The following AP3B1 variants were observed in gnomAD, a reference collection of about 807,000 sequenced individuals.
AP3B1 encodes the protein adaptor related protein complex 3 subunit beta 1.
AP3B1 carries 61 observed loss-of-function variants against 132.5 expected under a neutral mutation model. That is an observed-to-expected ratio of 0.46 (90% confidence interval 0.37 to 0.57). The LOEUF (loss-of-function observed/expected upper bound fraction) is 0.57, where lower values mean the gene tolerates loss of function less well. Among genes scored for constraint, AP3B1 ranks in the 20% least tolerant of loss-of-function variants. AP3B1 has a pLI of 0.00. For missense variants in AP3B1, 1,120 were observed against 1,289.4 expected, an observed-to-expected ratio of 0.87 and a Z score of 2.01; for synonymous variants, 388 against 438.3, an observed-to-expected ratio of 0.89 and a Z score of 1.43.
chr5:78,281,719 T>G (rs756077497), intron 1 of AP3B1, among the ~76,000 whole-genome samples: 26 of 152,100 alleles, frequency 1.7e-4, no homozygotes, highest in Non-Finnish European at 3.7e-4. Context: ...TGGGACTCTG[T>G]GTGTATGTAG....
intron 24 of AP3B1, among the ~76,000 whole-genome samples, chr5:78,022,693 G>T (rs1260836563): frequency 2.0e-5 from 3 of 152,116 alleles, no homozygotes; most frequent in Non-Finnish European, 2.9e-5. Flanking sequence ...GAAGGTAAAT[G>T]GTCCCATTTA....
chr5:78,172,331 G>C (rs1462939074), intron 11 of AP3B1, among the ~76,000 whole-genome samples: 14 of 152,194 alleles, frequency 9.2e-5, no homozygotes, highest in Admixed American at 9.2e-4. Flanking sequence ...GCTCCTCTTT[G>C]TACCTCTGGT....
intron 22 of AP3B1, among the ~76,000 whole-genome samples, chr5:78,073,847 G>T (rs1052427105): frequency 1.3e-5 from 2 of 152,140 alleles, no homozygotes; most frequent in African/African-American, 2.4e-5. Flanking sequence ...TACCACAAAG[G>T]AGGAGGAAGG....
intron 3 of AP3B1, among the ~76,000 whole-genome samples, chr5:78,232,545 A>T (rs1746690937): frequency 6.6e-6 from 1 of 152,164 alleles, no homozygotes; most frequent in African/African-American, 2.4e-5. Context: ...TAATATCAGC[A>T]ATCTCTATGC....
intron 7 of AP3B1, among the ~76,000 whole-genome samples, chr5:78,182,294 G>C (rs763020453): frequency 6.6e-6 from 1 of 152,228 alleles, no homozygotes; most frequent in Non-Finnish European, 1.5e-5. Flanking sequence ...AACAAACACA[G>C]TAATAGCCAC....
chr5:78,055,477 T>G (rs1167748560), intron 22 of AP3B1, among the ~76,000 whole-genome samples: 1 of 152,212 alleles, frequency 6.6e-6, no homozygotes, highest in African/African-American at 2.4e-5. Flanking sequence ...GAGGAGTCAG[T>G]GTGACACTGC....
chr5:78,164,697 A>G (rs1743535876), intron 12 of AP3B1, among the ~76,000 whole-genome samples: 1 of 152,146 alleles, frequency 6.6e-6, no homozygotes, highest in Admixed American at 6.5e-5. Flanking sequence ...ACACAACATA[A>G]AAGTGGAGTA....
chr5:78,038,097 T>TG (rs1747878844), intron 23 of AP3B1, among the ~76,000 whole-genome samples: 1 of 152,310 alleles, frequency 6.6e-6, no homozygotes, highest in Admixed American at 6.5e-5. Flanking sequence ...GAGCCAAAGC[T>TG]GGGGGCAGCC....
At chr5:78,058,596 G>A (rs910575424) in intron 22 of AP3B1, among the ~76,000 whole-genome samples, 3 of 152,238 alleles carry the variant, frequency 2.0e-5, no homozygotes, top group Admixed American at 1.3e-4. Context: ...GCATCAAAGA[G>A]ACAGTACTAG....
intron 26 of AP3B1, among the ~76,000 whole-genome samples, chr5:78,010,931 A>G (rs1746594355): frequency 6.6e-6 from 1 of 152,106 alleles, no homozygotes; most frequent in African/African-American, 2.4e-5. Flanking sequence ...TATTTAATAA[A>G]TGCTTTTTGA....
intron 22 of AP3B1, among the ~76,000 whole-genome samples, chr5:78,055,000 G>A (rs1748743544): frequency 7.1e-6 from 1 of 141,668 alleles, no homozygotes. Flanking sequence ...CCATAAGACA[G>A]ACAGACAGAC....
At chr5:78,259,203 G>A (rs573045223) in intron 2 of AP3B1, among the ~76,000 whole-genome samples, 19 of 151,136 alleles carry the variant, frequency 1.3e-4, no homozygotes, top group African/African-American at 2.9e-4. Flanking sequence ...AGCTGAGATC[G>A]TGCCACTGCA....
chr5:78,038,077 T>C (rs924604373), intron 23 of AP3B1, among the ~76,000 whole-genome samples: 2 of 152,144 alleles, frequency 1.3e-5, no homozygotes, highest in African/African-American at 2.4e-5. Flanking sequence ...AGAAGCAACC[T>C]GGAAAGTGCG....
intron 26 of AP3B1, among the ~76,000 whole-genome samples, chr5:78,007,019 T>C (rs1270709897): frequency 2.6e-5 from 4 of 152,162 alleles, no homozygotes; most frequent in African/African-American, 4.8e-5. Context: ...ACAGACCAAA[T>C]AGCAACAACA....
At chr5:78,096,865 C>T (rs1580341324) in intron 21 of AP3B1, among the ~76,000 whole-genome samples, 1 of 150,522 alleles carries the variant, frequency 6.6e-6, no homozygotes, top group Admixed American at 6.6e-5. Flanking sequence ...CCAGGCCAGC[C>T]GCCCCGTCCG....
intron 2 of AP3B1, among the ~76,000 whole-genome samples, chr5:78,265,439 T>C (rs531229766): frequency 1.8e-4 from 27 of 152,000 alleles, no homozygotes; most frequent in Admixed American, 1.3e-3. Flanking sequence ...CAAGACCCTG[T>C]CTCTAAAAAA....
Position 78,186,282 on chromosome 5 carries a change from AATTAC to A in AP3B1, c.787-4625_787-4621del, listed in dbSNP as rs1744602081. ...ATAAAGTACACTTCAGAGCAAAGAA[AATTAC>A]AACAGAGAAGGACATTATAGAATGA... On this transcript the variant is annotated intron_variant, in intron 7 of 26. Transcript: ENST00000255194. Among the ~76,000 whole-genome samples, 4 of 152,198 alleles carry A rather than the reference AATTAC, an allele frequency of 2.6e-5. 1 individual carries two copies. Among genetic ancestry groups the A allele is most frequent in the Non-Finnish European group, 5.9e-5 (4 of 68,036 alleles).
At chr5:78,170,072 C>T (rs920272405) in intron 11 of AP3B1, among the ~76,000 whole-genome samples, 1 of 152,136 alleles carries the variant, frequency 6.6e-6, no homozygotes, top group South Asian at 2.1e-4. Context: ...CATGTCCCTG[C>T]AAAAGACATG....
intron 24 of AP3B1, among the ~76,000 whole-genome samples, chr5:78,027,425 T>C (rs1388336308): frequency 6.6e-6 from 1 of 152,058 alleles, no homozygotes; most frequent in Non-Finnish European, 1.5e-5. Flanking sequence ...CTTGTGTCAA[T>C]ATCAATTACA....
Sources: allele counts gnomAD v4.1 joint callset (sites outside exome capture counted in the v4.1 genomes callset), GRCh38; gene constraint gnomAD v4.1.1; transcripts MANE v1.5; gene names NCBI Gene and HGNC (gene_info 2026-07-23, HGNC 2026-07-21).